Variants in CCDC60 observed in about 807,000 individuals in gnomAD.
CCDC60 encodes the protein coiled-coil domain containing 60.
CCDC60 carries 54 observed loss-of-function variants against 63.5 expected under a neutral mutation model. The ratio of observed to expected loss-of-function variants is 0.85; its 90% CI spans 0.68 to 1.07. CCDC60 has a LOEUF of 1.07. Ranked by LOEUF, CCDC60 falls within the 50% of genes least tolerant of loss-of-function variation. The probability of loss-of-function intolerance (pLI) is 0.00; values close to 1 mark genes in which losing one functional copy is unlikely to be tolerated. For synonymous variants in CCDC60, 206 were observed against 238.8 expected (o/e 0.86, Z 1.27); for missense variants, 651 against 684.3 (o/e 0.95, Z 0.54).
At chr12:119,476,495 ACT>A (rs1951181171) in intron 3 of CCDC60, among the ~76,000 whole-genome samples, 1 of 152,066 alleles carries the variant, frequency 6.6e-6, no homozygotes. Context: ...ATTTTTGTTA[ACT>A]CTGTGATTCC....
intron 2 of CCDC60, 107 bp from the exon 3 acceptor site, chr12:119,471,886 CT>C: frequency 5.6e-6 from 5 of 894,724 alleles, no homozygotes. Flanking sequence ...CTCTTTATCT[CT>C]CTTTTCTCTT....
intron 1 of CCDC60, among the ~76,000 whole-genome samples, chr12:119,424,863 A>G (rs1405065615): frequency 6.6e-6 from 1 of 152,182 alleles, no homozygotes; most frequent in Non-Finnish European, 1.5e-5. Flanking sequence ...ATGCTGACAT[A>G]GTTGTGAGGC....
At chr12:119,464,299 A>ACCC (rs1285907018) in intron 2 of CCDC60, among the ~76,000 whole-genome samples, 1 of 82,612 alleles carries the variant, frequency 1.2e-5, no homozygotes, top group Admixed American at 1.3e-4. Flanking sequence ...TTGCAAGAGC[A>ACCC]ACCCCCCCCC....
chr12:119,528,746 G>A lies in CCDC60; in HGVS notation c.1361G>A (p.Trp454Ter), dbSNP rs1447820941. The A allele has an allele frequency of 6.2e-7, 1 of 1,612,700 alleles. No homozygotes were observed. Among genetic ancestry groups the A allele is most frequent in the Non-Finnish European group, 8.5e-7 (1 of 1,179,346 alleles). The change falls in exon 12 of 14, where the codon TGG (tryptophan) becomes TAG (stop). Residue 454 changes from tryptophan (W) to a stop codon, truncating the protein, a stop_gained and splice_region_variant. Transcript: ENST00000327554. LOFTEE classifies it high-confidence loss of function. ...KGDAEEIADHWYFDLLSKLPE... is the reference protein window; with the variant it reads ...KGDAEEIADH ...GATGCAGAAGAAATTGCAGACCACT[G>A]GTAAATATCCTAAGAACCAGATAAG...
intron 2 of CCDC60, among the ~76,000 whole-genome samples, chr12:119,430,390 G>T (rs1371692145): frequency 2.6e-5 from 4 of 152,090 alleles, no homozygotes; most frequent in Non-Finnish European, 4.4e-5. Context: ...CATGAGACTG[G>T]GTGTGGTGGC....
chr12:119,458,091 C>T (rs1950781557), intron 2 of CCDC60, among the ~76,000 whole-genome samples: 1 of 152,194 alleles, frequency 6.6e-6, no homozygotes, highest in African/African-American at 2.4e-5. Context: ...ATCAATATGT[C>T]TGGGTGGGCT....
At chr12:119,367,164 GAC>G (rs968531579) in intron 1 of CCDC60, among the ~76,000 whole-genome samples, 14 of 152,126 alleles carry the variant, frequency 9.2e-5, no homozygotes, top group African/African-American at 2.7e-4. Flanking sequence ...CTATGTGCCA[GAC>G]ACAATTCTAA....
intron 1 of CCDC60, among the ~76,000 whole-genome samples, chr12:119,422,628 G>T (rs1272878427): frequency 2.0e-5 from 3 of 152,112 alleles, no homozygotes; most frequent in African/African-American, 7.2e-5. Context: ...AAGGGGGCAT[G>T]GTGTTAACCC....
chr12:119,536,288 T>C (rs1953003865), intron 13 of CCDC60, among the ~76,000 whole-genome samples: 1 of 152,196 alleles, frequency 6.6e-6, no homozygotes, highest in Admixed American at 6.5e-5. Context: ...TCCATCCCTT[T>C]ATTTTGAGCC....
chr12:119,383,484 C>G (rs535722778), intron 1 of CCDC60, among the ~76,000 whole-genome samples: 1 of 152,248 alleles, frequency 6.6e-6, no homozygotes, highest in African/African-American at 2.4e-5. Flanking sequence ...CACTGAAAGA[C>G]GGATCCAGAT....
At chr12:119,443,370 G>T (rs1452411180) in intron 2 of CCDC60, among the ~76,000 whole-genome samples, 1 of 152,088 alleles carries the variant, frequency 6.6e-6, no homozygotes, top group African/African-American at 2.4e-5. Flanking sequence ...TCATGATTTT[G>T]CTTAAAAGTA....
At chr12:119,428,942 C>T in intron 2 of CCDC60, 180 bp downstream of exon 2, 1 of 504,186 alleles carries the variant, frequency 2.0e-6, no homozygotes, top group Non-Finnish European at 3.5e-6. Context: ...CTCAGCTGGA[C>T]TTTCCAGGGA....
Position 119,335,144 on chromosome 12 carries a change from G to A in CCDC60, c.-33G>A, listed in dbSNP as rs1230297703. On this transcript the variant is annotated 5_prime_UTR_variant, in exon 1 of 14. Coordinates refer to ENST00000327554, the MANE Select transcript of CCDC60 (RefSeq NM_178499.5). ...AGATTCTGGAAAAATCCTTGTCTTG[G>A]GGGCACAGGCTAAAACCTGAAGGAT... The A allele has an allele frequency of 1.3e-6, 2 of 1,553,794 alleles. No homozygotes were observed. Among genetic ancestry groups the A allele is most frequent in the Non-Finnish European group, 8.8e-7 (1 of 1,140,580 alleles).
intron 5 of CCDC60, among the ~76,000 whole-genome samples, chr12:119,493,887 A>C (rs1171834089): frequency 4.6e-5 from 7 of 152,152 alleles, no homozygotes; most frequent in African/African-American, 1.7e-4. Flanking sequence ...AATATGATAC[A>C]TGTGCCATAT....
intron 1 of CCDC60, among the ~76,000 whole-genome samples, chr12:119,418,287 G>A (rs116395896): frequency 8.2e-4 from 124 of 150,594 alleles, no homozygotes; most frequent in East Asian, 4.9e-3. Flanking sequence ...ATGTATTACC[G>A]AAGGACATTC....
At chr12:119,458,487 G>C (rs1950789690) in intron 2 of CCDC60, among the ~76,000 whole-genome samples, 1 of 151,994 alleles carries the variant, frequency 6.6e-6, no homozygotes, top group Non-Finnish European at 1.5e-5. Context: ...AGTGATTTGT[G>C]GTAGTTAATC....
At chr12:119,409,152 T>C (rs1259661513) in intron 1 of CCDC60, among the ~76,000 whole-genome samples, 1 of 152,102 alleles carries the variant, frequency 6.6e-6, no homozygotes, top group Admixed American at 6.5e-5. Flanking sequence ...TACCACAGAC[T>C]CCGGTGTAGG....
At chr12:119,519,482 T>G (rs1410341372) in intron 8 of CCDC60, among the ~76,000 whole-genome samples, 1 of 146,062 alleles carries the variant, frequency 6.8e-6, no homozygotes, top group Admixed American at 6.9e-5. Flanking sequence ...TTTTTTTTTT[T>G]GACAGAGTCA....
chr12:119,532,742 T>C (rs1952889137), intron 13 of CCDC60, among the ~76,000 whole-genome samples: 1 of 152,220 alleles, frequency 6.6e-6, no homozygotes, highest in Non-Finnish European at 1.5e-5. Context: ...GCAAAGGACA[T>C]GAACTCATCC....
Sources: gnomAD v4.1 joint callset for allele counts (sites outside exome capture counted in the v4.1 genomes callset) on GRCh38, gnomAD v4.1.1 for gene constraint, MANE v1.5 for transcripts, NCBI Gene and HGNC (gene_info 2026-07-23, HGNC 2026-07-21) for gene names.